ZNF20: variants seen among roughly 807,000 people sequenced by gnomAD.
The protein encoded by ZNF20 is zinc finger protein KOX13.
A neutral mutation model predicts 11.0 loss-of-function variants in ZNF20; 9 were observed. That is an observed-to-expected ratio of 0.82 (90% CI 0.49 to 1.43). The LOEUF (loss-of-function observed/expected upper bound fraction) is 1.43, where lower values mean the gene tolerates loss of function less well. ZNF20 is among the 40% of genes most tolerant of loss of function. The pLI is 0.00. For synonymous variants in ZNF20, 182 were observed against 213.0 expected (o/e 0.85, Z 1.27); for missense variants, 528 against 640.8 (o/e 0.82, Z 1.90).
Position 12,131,981 on chromosome 19 carries a change from A to C in ZNF20, c.*606T>G, listed in dbSNP as rs1976629833. On this transcript the variant is annotated 3_prime_UTR_variant, in exon 4 of 4. Transcript: ENST00000334213. The stretch of plus-strand genomic sequence containing the variant: ...GAGACCAATCACTGCACAATGCAGC[A>C]GAGGAACAAGCTCCCATCTAGTTGG... 6.5e-6 allele frequency: 1 copy of C among 152,890 alleles called. No individual in the cohort carries two copies. The highest frequency in any genetic ancestry group is 2.4e-5 in the African/African-American group (1 of 41,460). The allele number at this position is 152,890 out of a possible 1,614,324, so 9.5% of individuals were successfully genotyped here. A position where few individuals can be genotyped will look rare whatever the true frequency, so the allele number is the denominator to read the frequency against.
rs987449838 is a variant in ZNF20, at chr19:12,132,881, G to T, written c.1305C>A (p.Phe435Leu). The change falls in exon 4 of 4, where the codon TTC becomes TTA. Residue 435 changes from phenylalanine (F) to leucine (L), a missense_variant. Physicochemically the swap from Phe to Leu is conservative, Grantham distance 22. Coordinates refer to ENST00000334213, the MANE Select transcript of ZNF20 (RefSeq NM_021143.4). ...CKQCGKAFRY[F>L]SSLHIHERTH... is the part of the protein sequence containing the mutation. ...TCCTTTCATGTATATGCAAGGAAGAGAAATACCTGAATGCTTTTCCACATT... is the reference window on the plus strand; with the variant it reads ...TCCTTTCATGTATATGCAAGGAAGATAAATACCTGAATGCTTTTCCACATT... The T allele has an allele frequency of 1.9e-6, 3 of 1,614,062 alleles. No homozygotes were observed. The highest frequency in any genetic ancestry group is 1.6e-4 in the Middle Eastern group (1 of 6,062).
intron 2 of ZNF20, 43 bp from the exon 3 acceptor site, chr19:12,135,603 T>C: frequency 6.3e-7 from 1 of 1,599,260 alleles, no homozygotes; most frequent in Non-Finnish European, 8.5e-7. Flanking sequence ...AGAATTAGTA[T>C]GAATTTATTT....
At position 12,140,197 on chromosome 19, in the gene ZNF20, G is replaced by C. The variant is rs1005007589; in HGVS notation, c.-15C>G. ...ACACTCACCATTTCCCGGCTTCTGG[G>C]TGTCCCGGTGTCCTCTCTAGGGCTC... On this transcript the variant is annotated 5_prime_UTR_variant, in exon 1 of 4. Transcript: ENST00000334213. 8.1e-6 allele frequency: 13 copies of C among 1,602,044 alleles called. No homozygotes were observed. Among genetic ancestry groups the C allele is most frequent in the South Asian group, 1.1e-5 (1 of 89,296 alleles).
intron 2 of ZNF20, 96 bp from the exon 3 acceptor site, chr19:12,135,656 C>A: frequency 6.3e-6 from 10 of 1,584,984 alleles, no homozygotes; most frequent in South Asian, 1.1e-5. Context: ...GGTAGCCATG[C>A]CTGATTTATT....
In ZNF20 at chr19:12,132,598, T is replaced by C. The variant is rs1976640130; in HGVS notation, c.1588A>G (p.Ile530Val). The C allele has an allele frequency of 6.3e-7, 1 of 1,585,000 alleles. No homozygotes were observed. ...SCREHERTHTINR is the reference protein window; with the variant it reads ...SCREHERTHTVNR ...ACTAAAAGGATTTCTCATCTATTAA[T>C]GGTATGAGTTCTTTCATGTTCTCGA... is the stretch of plus-strand genomic sequence containing the variant. Residue 530 changes from isoleucine (I) to valine (V), a missense_variant, in exon 4 of 4, where the codon ATT becomes GTT. Physicochemically the swap from Ile to Val is conservative, Grantham distance 29. Transcript: ENST00000334213.
chr19:12,138,445 CAAAA>C (rs34380888), intron 1 of ZNF20, among the ~76,000 whole-genome samples: 2 of 89,956 alleles, frequency 2.2e-5, no homozygotes, highest in Non-Finnish European at 2.4e-5. Context: ...GACTTTCTCT[CAAAA>C]AAAAAAAAAA....
chr19:12,139,005 C>G lies in ZNF20; in HGVS notation c.3+1175G>C, dbSNP rs1438815628. Among the ~76,000 whole-genome samples, 2 of 152,152 alleles carry G rather than the reference C, an allele frequency of 1.3e-5. No individual in the cohort carries two copies. Among genetic ancestry groups the G allele is most frequent in the African/African-American group, 4.8e-5 (2 of 41,440 alleles). On this transcript the variant is annotated intron_variant, in intron 1 of 3. Transcript: ENST00000334213. This position sits in a 1 kb window ranked among gnomAD's most constrained non-coding sequence, Gnocchi z 4.0. ...GCAGGAGGAAGCCAGTCCCTATAGA[C>G]AGTGTGAAAAAATTTAAAGCAGCAG... is the stretch of plus-strand genomic sequence containing the variant.
chr19:12,138,232 C>A (rs914618810), intron 1 of ZNF20, among the ~76,000 whole-genome samples: 2 of 152,050 alleles, frequency 1.3e-5, no homozygotes, highest in East Asian at 3.9e-4. Flanking sequence ...GCAGGCAGAT[C>A]ATTTGAGCTC....
At position 12,133,301 on chromosome 19, in the gene ZNF20, G is replaced by A. The variant is rs1259909926; in HGVS notation, c.885C>T (p.Phe295=). ...TCATCTTATGATACTGAATGGAACT[G>A]AAAGAAATGAAGACTTTCCCACATT... is the stretch of plus-strand genomic sequence containing the variant. The part of the protein sequence containing the change: ...CKQCGKVFIS[F]SSIQYHKMTH... The change falls in exon 4 of 4, where the codon TTC becomes TTT. Residue 295 remains phenylalanine (F), a synonymous_variant. Transcript: ENST00000334213. The A allele has an allele frequency of 1.2e-6, 2 of 1,614,040 alleles. No individual in the cohort carries two copies. The highest frequency in any genetic ancestry group is 2.7e-5 in the African/African-American group (2 of 74,924).
Position 12,135,546 on chromosome 19 carries a change from C to A in ZNF20, c.154G>T (p.Val52Phe). The A allele has an allele frequency of 6.2e-7, 1 of 1,613,060 alleles. No homozygotes were observed. Among genetic ancestry groups the A allele is most frequent in the Non-Finnish European group, 8.5e-7 (1 of 1,179,734 alleles). Residue 52 changes from valine (V) to phenylalanine (F), a missense_variant, in exon 3 of 4, where the codon GTT becomes TTT. Coordinates refer to ENST00000334213, the MANE Select transcript of ZNF20 (RefSeq NM_021143.4). Reference protein sequence around the residue: ...NLTSVGKTWKVQNIEDEYKNP... With the variant: ...NLTSVGKTWKFQNIEDEYKNP... Reference sequence around the variant, plus strand: ...TTGTACTCATCTTCAATGTTCTGAACTTTCCATGTTTTTCCTAAAACACAG... The same window carrying A: ...TTGTACTCATCTTCAATGTTCTGAAATTTCCATGTTTTTCCTAAAACACAG...
In ZNF20 at chr19:12,133,002, T is replaced by C. The variant is rs1347101356; in HGVS notation, c.1184A>G (p.His395Arg). The part of the protein sequence containing the change: ...HERTHSGEKP[H>R]ECKECGKVFK... ...TACTTTTCCACATTCCTTACATTCA[T>C]GGGGTTTCTCTCCACTGTGCGTCCT... is the stretch of plus-strand genomic sequence containing the variant. The change falls in exon 4 of 4, where the codon CAT (histidine) becomes CGT (arginine). Residue 395 changes from histidine to arginine, a missense_variant. Coordinates refer to ENST00000334213, the MANE Select transcript of ZNF20 (RefSeq NM_021143.4). 1 of 1,614,120 alleles carries C rather than the reference T, an allele frequency of 6.2e-7. No homozygotes were observed. The highest frequency in any genetic ancestry group is 1.7e-5 in the Admixed American group (1 of 60,028).
rs1239162553 is a variant in ZNF20 at position 12,135,973 on chromosome 19, T to C, written c.4-69A>G. 9.6e-6 allele frequency: 15 copies of C among 1,568,070 alleles called. No homozygotes were observed. The East Asian group carries it at 3.4e-4, about 35-fold the overall frequency. ...GGCCTATACTTTATTCCTAAGAAGT[T>C]CTCATGATACTGTGGACTCCAAACA... On this transcript the variant is annotated intron_variant, in intron 1 of 3. Coordinates refer to ENST00000334213, the MANE Select transcript of ZNF20 (RefSeq NM_021143.4).
intron 1 of ZNF20, 87 bp downstream of exon 1, chr19:12,140,093 G>T: frequency 6.7e-7 from 1 of 1,499,104 alleles, no homozygotes; most frequent in Non-Finnish European, 9.1e-7. Flanking sequence ...GAGGCGCGGC[G>T]AGGAGGCCCA....
chr19:12,138,021 A>T (rs1281118325), intron 1 of ZNF20, among the ~76,000 whole-genome samples: 1 of 152,180 alleles, frequency 6.6e-6, no homozygotes, highest in Non-Finnish European at 1.5e-5. Context: ...GAGGACTGAC[A>T]CAGGGGCTGA....
chr19:12,140,176 T>A lies in ZNF20; in HGVS notation c.3+4A>T, dbSNP rs1976778617. On this transcript the variant is annotated splice_donor_region_variant and intron_variant, in intron 1 of 3. Transcript: ENST00000334213. Reference sequence around the variant, plus strand: ...GTCTGGGGACTCCGGCCCCATACACTCACCATTTCCCGGCTTCTGGGTGTC... The same window carrying A: ...GTCTGGGGACTCCGGCCCCATACACACACCATTTCCCGGCTTCTGGGTGTC... 1 of 1,603,264 alleles carries A rather than the reference T, an allele frequency of 6.2e-7. No homozygotes were observed. The highest frequency in any genetic ancestry group is 8.5e-7 in the Non-Finnish European group (1 of 1,174,844).
Position 12,133,093 on chromosome 19 carries a change from T to A in ZNF20, c.1093A>T (p.Lys365Ter). The change falls in exon 4 of 4, where the codon AAA (lysine) becomes TAA (stop). Residue 365 changes from lysine (K) to a stop codon, truncating the protein, a stop_gained. Transcript: ENST00000334213. LOFTEE classifies it low-confidence loss of function (END_TRUNC). ...CCACACTGCTTACATCCATAGGGTT[T>A]ATCCTCAGTGTGTGTCTTTTCATGC... ...QRHEKTHTED[K>*]PYGCKQCGKG... The A allele has an allele frequency of 6.2e-7, 1 of 1,614,120 alleles. No homozygotes were observed. Among genetic ancestry groups the A allele is most frequent in the Non-Finnish European group, 8.5e-7 (1 of 1,180,012 alleles).
rs1976763467 is a variant in ZNF20 at position 12,139,428 on chromosome 19, A to G, written c.3+752T>C. ...GACGCCAAGAACCTGGACCCCCTCC[A>G]CCGTTAACAAAATGCAATTCTTCTT... On this transcript the variant is annotated intron_variant, in intron 1 of 3. Coordinates refer to ENST00000334213, the MANE Select transcript of ZNF20 (RefSeq NM_021143.4). The surrounding 1 kb of genome is among the most constrained non-coding windows in gnomAD (Gnocchi z 4.0). Among the ~76,000 whole-genome samples, 1 of 152,142 alleles carries G rather than the reference A, an allele frequency of 6.6e-6. No homozygotes were observed. Among genetic ancestry groups the G allele is most frequent in the Non-Finnish European group, 1.5e-5 (1 of 68,018 alleles).
chr19:12,133,146 G>C lies in ZNF20; in HGVS notation c.1040C>G (p.Ala347Gly). 1 of 1,613,364 alleles carries C rather than the reference G, an allele frequency of 6.2e-7. No homozygotes were observed. ...TTGAAGGTCCGAGGTACATCTGAAGGCTTTACCACATTGCCTACATTCATA... is the reference window on the plus strand; with the variant it reads ...TTGAAGGTCCGAGGTACATCTGAAGCCTTTACCACATTGCCTACATTCATA... Reference protein sequence around the residue: ...KPYECRQCGKAFRCTSDLQRH... With the variant: ...KPYECRQCGKGFRCTSDLQRH... The change falls in exon 4 of 4, where the codon GCC becomes GGC. Residue 347 changes from alanine to glycine, a missense_variant. By Grantham distance (60) the Ala-to-Gly change is moderately conservative. Coordinates refer to ENST00000334213, the MANE Select transcript of ZNF20 (RefSeq NM_021143.4).
At position 12,140,040 on chromosome 19, in the gene ZNF20, G is replaced by A. The variant is rs1976774579; in HGVS notation, c.3+140C>T. On this transcript the variant is annotated intron_variant, in intron 1 of 3. Transcript: ENST00000334213. ...AGCCGCACCCTGCGGCCGAGGGGAC[G>A]CAGGGACGAGCTGAGACAGAGGGAT... 17 of 1,154,860 alleles carry A rather than the reference G, an allele frequency of 1.5e-5. No individual in the cohort carries two copies. In the South Asian group the frequency reaches 2.2e-4, roughly 15 times the overall value. The allele number at this position is 1,154,860 out of a possible 1,614,324, so 71.5% of individuals were successfully genotyped here. A position where few individuals can be genotyped will look rare whatever the true frequency, so the allele number is the denominator to read the frequency against.
Sources: allele counts gnomAD v4.1 joint callset (sites outside exome capture counted in the v4.1 genomes callset), GRCh38; gene constraint gnomAD v4.1.1; non-coding constraint Gnocchi (gnomAD v3.1); transcripts MANE v1.5; gene names NCBI Gene and HGNC (gene_info 2026-07-23, HGNC 2026-07-21).